Variants in FSTL4 observed in about 807,000 individuals in gnomAD.
FSTL4 encodes follistatin like 4.
A neutral mutation model predicts 78.2 loss-of-function variants in FSTL4; 28 were observed. The observed-to-expected ratio is 0.36, with a 90% CI of 0.27 to 0.49. The LOEUF is 0.49. Among genes scored for constraint, FSTL4 ranks in the 20% least tolerant of loss-of-function variants. The pLI, the probability that FSTL4 is intolerant of heterozygous loss-of-function variation, is 0.98. For missense variants in FSTL4, 922 were observed against 1,084.9 expected (o/e 0.85, Z 2.11); for synonymous variants, 422 against 440.5 (o/e 0.96, Z 0.53).
chr5:133,625,153 A>C, the FSTL4 span, among the ~76,000 whole-genome samples: 1 of 151,734 alleles, frequency 6.6e-6, no homozygotes. Flanking sequence ...ACTGAGACAT[A>C]TTCCTTCCTC....
rs369461836 is a variant in FSTL4 at position 133,298,292 on chromosome 5, C to T, written c.727+14362G>A. ...GGCTTCAGAGGCAAGCTCTGCAACA[C>T]ATGGTGAGCCCTGCAATGCTCTGCT... On this transcript the variant is annotated intron_variant, in intron 6 of 15. Transcript: ENST00000265342. Among the ~76,000 whole-genome samples the T allele has an allele frequency of 5.3e-5, 8 of 152,254 alleles. No homozygotes were observed. The East Asian group carries it at 5.8e-4, about 11-fold the overall frequency.
intron 4 of FSTL4, among the ~76,000 whole-genome samples, chr5:133,385,859 G>T (rs577678517): frequency 1.3e-5 from 2 of 152,286 alleles, no homozygotes; most frequent in East Asian, 3.9e-4. Context: ...CGTGCAGAAA[G>T]TTGCCTTCAG....
the FSTL4 span, among the ~76,000 whole-genome samples, chr5:133,670,370 T>G: frequency 6.6e-6 from 1 of 152,210 alleles, no homozygotes; most frequent in South Asian, 2.1e-4. Context: ...ATCAACCATG[T>G]CTTCAGAAGT....
intron 4 of FSTL4, chr5:133,388,592 T>G (rs1755762970): frequency 6.6e-6 from 1 of 151,852 alleles, no homozygotes; most frequent in South Asian, 2.1e-4. Context: ...AGGACTTTTT[T>G]TTTTTTTGTC....
intron 3 of FSTL4, among the ~76,000 whole-genome samples, chr5:133,512,449 T>C (rs923689806): frequency 6.6e-6 from 1 of 152,254 alleles, no homozygotes; most frequent in African/African-American, 2.4e-5. Context: ...AATCAGCTAC[T>C]GTCCAGTGAA....
the FSTL4 span, among the ~76,000 whole-genome samples, chr5:133,790,480 C>T: frequency 2.0e-5 from 3 of 152,180 alleles, no homozygotes; most frequent in African/African-American, 4.8e-5. Context: ...TATGCTCTCT[C>T]AACAACCCAC....
At chr5:133,565,182 A>C (rs1396043245) in intron 3 of FSTL4, among the ~76,000 whole-genome samples, 1 of 152,222 alleles carries the variant, frequency 6.6e-6, no homozygotes, top group African/African-American at 2.4e-5. Flanking sequence ...GGGTCGAGTC[A>C]GAGCTGGGAA....
At chr5:133,210,439 A>G (rs1166528714) in intron 13 of FSTL4, 141 bp from the exon 14 acceptor site, 5 of 437,440 alleles carry the variant, frequency 1.1e-5, no homozygotes, top group African/African-American at 4.0e-5. Flanking sequence ...CCCAGGGCAG[A>G]AGCTTCCCCT....
rs889712967 is a variant in FSTL4 at position 133,361,140 on chromosome 5, G to C, written c.409+39598C>G. Among the ~76,000 whole-genome samples the C allele has an allele frequency of 6.6e-6, 1 of 152,144 alleles. No homozygotes were observed. Among genetic ancestry groups the C allele is most frequent in the Non-Finnish European group, 1.5e-5 (1 of 68,028 alleles). ...TAACTTTTTCTGAGCCCTTGAAGCC[G>C]AGAGCAAGTCTGAAACATGATTCCC... On this transcript the variant is annotated intron_variant, in intron 4 of 15. Transcript: ENST00000265342. This position sits in a 1 kb window ranked among gnomAD's most constrained non-coding sequence, Gnocchi z 4.3.
the FSTL4 span, among the ~76,000 whole-genome samples, chr5:133,691,116 T>A: frequency 6.6e-6 from 1 of 152,306 alleles, no homozygotes; most frequent in South Asian, 2.1e-4. Context: ...CTCTGAAAAA[T>A]CAATTTGGAA....
intron 15 of FSTL4, among the ~76,000 whole-genome samples, chr5:133,200,186 G>A (rs553936028): frequency 8.5e-5 from 13 of 152,366 alleles, no homozygotes; most frequent in South Asian, 2.1e-4. Context: ...AAGGGCAAGA[G>A]ATCCCTGCCC....
chr5:133,399,025 C>T (rs956452764), intron 4 of FSTL4, among the ~76,000 whole-genome samples: 8 of 152,230 alleles, frequency 5.3e-5, no homozygotes, highest in African/African-American at 1.9e-4. Context: ...CATCACTCCT[C>T]ACCTCGGTGG....
chr5:133,834,365 A>G, the FSTL4 span, among the ~76,000 whole-genome samples: 1 of 152,258 alleles, frequency 6.6e-6, no homozygotes, highest in African/African-American at 2.4e-5. Flanking sequence ...CAGATACAGC[A>G]TCATTTCTAA....
chr5:133,406,518 C>T (rs746678284), intron 3 of FSTL4, among the ~76,000 whole-genome samples: 10 of 152,208 alleles, frequency 6.6e-5, no homozygotes, highest in Non-Finnish European at 1.5e-4. Flanking sequence ...TCTCTGAGCT[C>T]TGACTACAGG....
the FSTL4 span, among the ~76,000 whole-genome samples, chr5:133,665,853 T>A: frequency 6.6e-6 from 1 of 152,202 alleles, no homozygotes; most frequent in Non-Finnish European, 1.5e-5. Context: ...AGCCCAGGCC[T>A]GTCTCTACGC....
chr5:133,772,876 C>A, the FSTL4 span, among the ~76,000 whole-genome samples: 2 of 152,152 alleles, frequency 1.3e-5, no homozygotes, highest in East Asian at 3.9e-4. Context: ...ATAGCACCAA[C>A]GAATGTCATA....
the FSTL4 span, among the ~76,000 whole-genome samples, chr5:133,728,354 C>A: frequency 6.6e-6 from 1 of 152,210 alleles, no homozygotes; most frequent in Non-Finnish European, 1.5e-5. Context: ...CCAGTCAGCA[C>A]CTCTGTGGTT....
the FSTL4 span, among the ~76,000 whole-genome samples, chr5:133,793,876 A>G: frequency 6.6e-6 from 1 of 152,226 alleles, no homozygotes. Context: ...GGAGGAAAAG[A>G]GAACGTATTT....
chr5:133,498,418 C>T (rs565606030), intron 3 of FSTL4, among the ~76,000 whole-genome samples: 30 of 152,242 alleles, frequency 2.0e-4, no homozygotes, highest in African/African-American at 7.2e-4. Flanking sequence ...TAAAGTTATC[C>T]TTTAAAAAAT....
Sources: gnomAD v4.1 joint callset for allele counts (sites outside exome capture counted in the v4.1 genomes callset) on GRCh38, gnomAD v4.1.1 for gene constraint, Gnocchi (gnomAD v3.1) non-coding constraint, MANE v1.5 for transcripts, NCBI Gene and HGNC (gene_info 2026-07-23, HGNC 2026-07-21) for gene names.